The following CYSTM1 variants were observed in gnomAD, a reference collection of about 807,000 sequenced individuals.
CYSTM1 encodes cysteine-rich transmembrane module-containing protein 1.
Under a neutral mutation model 13.1 loss-of-function variants are expected in CYSTM1, and 4 were observed. The observed-to-expected ratio is 0.31, with a 90% CI of 0.15 to 0.70. The LOEUF is 0.70. Ranked by LOEUF, CYSTM1 falls within the 30% of genes least tolerant of loss-of-function variation. CYSTM1 has a pLI of 0.72. For missense variants in CYSTM1, 96 were observed against 121.6 expected (o/e 0.79, Z 0.99); for synonymous variants, 36 against 42.7 (o/e 0.84, Z 0.62).
intron 2 of CYSTM1, among the ~76,000 whole-genome samples, chr5:140,237,198 C>T (rs945550017): frequency 2.4e-4 from 36 of 152,144 alleles, no homozygotes; most frequent in Non-Finnish European, 4.1e-4. Flanking sequence ...CATTCTGAGG[C>T]GATGGGCCCT....
intron 2 of CYSTM1, among the ~76,000 whole-genome samples, chr5:140,205,055 C>T (rs947793385): frequency 2.0e-5 from 3 of 152,196 alleles, no homozygotes; most frequent in Non-Finnish European, 4.4e-5. Context: ...CCCCATGGAG[C>T]TCAAAAGCCT....
intron 1 of CYSTM1, among the ~76,000 whole-genome samples, chr5:140,193,269 A>ATTGTTTGT (rs36159423): frequency 6.6e-6 from 1 of 150,976 alleles, no homozygotes; most frequent in Non-Finnish European, 1.5e-5. Context: ...TTCCCCAGTA[A>ATTGTTTGT]TTGTTTGTTT....
intron 2 of CYSTM1, among the ~76,000 whole-genome samples, chr5:140,195,906 G>C (rs768010565): frequency 1.5e-4 from 23 of 151,710 alleles, no homozygotes; most frequent in African/African-American, 5.3e-4. Flanking sequence ...CTAGCCAGGC[G>C]TGGTGGTACG....
intron 2 of CYSTM1, among the ~76,000 whole-genome samples, chr5:140,241,929 G>A (rs1764754302): frequency 6.6e-6 from 1 of 152,234 alleles, no homozygotes; most frequent in Non-Finnish European, 1.5e-5. Flanking sequence ...ATAAAGGCCT[G>A]GGTTCGGATT....
chr5:140,233,603 T>C (rs10045510), intron 2 of CYSTM1, among the ~76,000 whole-genome samples: 35,143 of 152,156 alleles, frequency 0.23, 4,095 homozygotes, highest in African/African-American at 0.25. Context: ...CTATCAGTAA[T>C]GAATGAGAGT....
At chr5:140,217,548 C>G (rs921286384) in intron 2 of CYSTM1, among the ~76,000 whole-genome samples, 2 of 152,114 alleles carry the variant, frequency 1.3e-5, no homozygotes, top group African/African-American at 2.4e-5. Flanking sequence ...GCAGATTATT[C>G]CCTTTGGAAT....
At position 140,239,227 on chromosome 5, in the gene CYSTM1, G is replaced by C. The variant is rs1475890700; in HGVS notation, c.188-4078G>C. On this transcript the variant is annotated intron_variant, in intron 2 of 2. Coordinates refer to ENST00000261811, the MANE Select transcript of CYSTM1 (RefSeq NM_032412.4). The surrounding 1 kb of genome is among the most constrained non-coding windows in gnomAD (Gnocchi z 5.4). ...ATGAAGGTTTCAGATGCCAGAATGGGGCTGAGAATTGGAGCCTTCACCTGA... is the reference window on the plus strand; with the variant it reads ...ATGAAGGTTTCAGATGCCAGAATGGCGCTGAGAATTGGAGCCTTCACCTGA... Among the ~76,000 whole-genome samples, 5 of 152,134 alleles carry C rather than the reference G, an allele frequency of 3.3e-5. No individual in the cohort carries two copies. Among genetic ancestry groups the C allele is most frequent in the Non-Finnish European group, 7.4e-5 (5 of 68,010 alleles).
intron 1 of CYSTM1, among the ~76,000 whole-genome samples, chr5:140,191,222 A>G (rs1561809698): frequency 6.6e-6 from 1 of 152,190 alleles, no homozygotes; most frequent in Non-Finnish European, 1.5e-5. Context: ...ATAGATCCAG[A>G]TTTTTATTCC....
At chr5:140,195,704 T>C (rs1764147479) in intron 2 of CYSTM1, among the ~76,000 whole-genome samples, 2 of 149,564 alleles carry the variant, frequency 1.3e-5, no homozygotes, top group African/African-American at 4.9e-5. Context: ...GTGCTGGGAT[T>C]ACAGGCGTGA....
At chr5:140,209,976 A>C (rs1447908104) in intron 2 of CYSTM1, among the ~76,000 whole-genome samples, 6 of 152,198 alleles carry the variant, frequency 3.9e-5, no homozygotes, top group Non-Finnish European at 8.8e-5. Flanking sequence ...CAAATGTCTT[A>C]ATAATCAGAA....
chr5:140,226,318 C>T (rs1764548490), intron 2 of CYSTM1, among the ~76,000 whole-genome samples: 1 of 150,688 alleles, frequency 6.6e-6, no homozygotes, highest in East Asian at 1.9e-4. Flanking sequence ...TTAAATTCAG[C>T]TTGATATTTT....
intron 1 of CYSTM1, among the ~76,000 whole-genome samples, chr5:140,183,002 G>T (rs1763976424): frequency 6.6e-6 from 1 of 152,132 alleles, no homozygotes; most frequent in African/African-American, 2.4e-5. Flanking sequence ...AGGCTGGCTT[G>T]GTATTCATCA....
intron 2 of CYSTM1, among the ~76,000 whole-genome samples, chr5:140,203,386 C>T (rs183230451): frequency 3.3e-5 from 5 of 152,290 alleles, no homozygotes; most frequent in Non-Finnish European, 7.3e-5. Context: ...AATGTCACAT[C>T]CATCACACTC....
At chr5:140,201,007 A>G (rs1282256633) in intron 2 of CYSTM1, 2 of 152,260 alleles carry the variant, frequency 1.3e-5, no homozygotes, top group Non-Finnish European at 2.9e-5. Context: ...TGTAGCATGT[A>G]TCAATACTTT....
chr5:140,207,362 A>G (rs1764311614), intron 2 of CYSTM1, among the ~76,000 whole-genome samples: 1 of 152,106 alleles, frequency 6.6e-6, no homozygotes, highest in Admixed American at 6.5e-5. Flanking sequence ...TGGACTTACA[A>G]CTTGCTGATC....
intron 1 of CYSTM1, among the ~76,000 whole-genome samples, chr5:140,188,524 G>A (rs1198609692): frequency 6.6e-6 from 1 of 152,182 alleles, no homozygotes; most frequent in Non-Finnish European, 1.5e-5. Flanking sequence ...GGGCGCGGTG[G>A]CTCACGCCTG....
chr5:140,214,113 G>T (rs1287162738), intron 2 of CYSTM1, among the ~76,000 whole-genome samples: 1 of 152,134 alleles, frequency 6.6e-6, no homozygotes, highest in Non-Finnish European at 1.5e-5. Flanking sequence ...CACCATCTTA[G>T]GCTCTCATTC....
intron 2 of CYSTM1, among the ~76,000 whole-genome samples, chr5:140,215,165 C>T (rs566517618): frequency 2.8e-4 from 42 of 152,330 alleles, no homozygotes; most frequent in African/African-American, 9.9e-4. Flanking sequence ...ATGGAAGTCA[C>T]TCTCAGGAGA....
At chr5:140,228,505 G>A (rs1327047187) in intron 2 of CYSTM1, among the ~76,000 whole-genome samples, 1 of 152,206 alleles carries the variant, frequency 6.6e-6, no homozygotes, top group Non-Finnish European at 1.5e-5. Flanking sequence ...GAGGTGGCAG[G>A]AACAGTGGTC....
Sources: allele counts gnomAD v4.1 joint callset (sites outside exome capture counted in the v4.1 genomes callset), GRCh38; gene constraint gnomAD v4.1.1; non-coding constraint Gnocchi (gnomAD v3.1); transcripts MANE v1.5; gene names NCBI Gene and HGNC (gene_info 2026-07-23, HGNC 2026-07-21).